EIF2D: variants seen among roughly 807,000 people sequenced by gnomAD.
The protein encoded by EIF2D is eukaryotic translation initiation factor 2D.
A neutral mutation model predicts 77.4 loss-of-function variants in EIF2D; 56 were observed. The observed-to-expected ratio is 0.72, with a 90% CI of 0.58 to 0.90. The LOEUF is 0.90. Ranked by LOEUF, EIF2D falls within the 40% of genes least tolerant of loss-of-function variation. The pLI is 0.00. For missense variants in EIF2D, 574 were observed against 706.5 expected, an observed-to-expected ratio of 0.81 and a Z score of 2.13; for synonymous variants, 230 against 271.0, an observed-to-expected ratio of 0.85 and a Z score of 1.49.
At chr1:206,609,481 A>C (rs782647011) in intron 2 of EIF2D, 22 bp from the exon 3 acceptor site, 23 of 1,595,038 alleles carry the variant, frequency 1.4e-5, no homozygotes, top group Admixed American at 1.2e-4. Flanking sequence ...GAGATCCAGA[A>C]AACACTACTA....
intron 1 of EIF2D, among the ~76,000 whole-genome samples, chr1:206,612,023 C>T (rs1247712348): frequency 1.3e-5 from 2 of 152,228 alleles, no homozygotes; most frequent in African/African-American, 2.4e-5. Flanking sequence ...CTCCACAACA[C>T]CTTAAATAGT....
chr1:206,602,708 G>A, intron 6 of EIF2D: 1 of 662,700 alleles, frequency 1.5e-6, no homozygotes, highest in Admixed American at 3.0e-5. Flanking sequence ...AAACCTTGGA[G>A]GGCTTTGTAG....
At position 206,605,404 on chromosome 1, in the gene EIF2D, A is replaced by G. The variant is rs781956713; in HGVS notation, c.526T>C (p.Leu176=). ...FSVLHTYQDH[L]WRSGNKSSPP... is the part of the protein sequence containing the mutation. ...CAGAAGAAACTCTGTACCCACCACA[A>G]GTGGTCCTGGTAAGTGTGGAGCACA... Residue 176 remains leucine, a synonymous_variant, in exon 5 of 15, where the codon TTG becomes CTG. Coordinates refer to ENST00000271764, the MANE Select transcript of EIF2D (RefSeq NM_006893.3). 1 of 1,613,514 alleles carries G rather than the reference A, an allele frequency of 6.2e-7. No homozygotes were observed. The highest frequency in any genetic ancestry group is 8.5e-7 in the Non-Finnish European group (1 of 1,179,542).
At chr1:206,593,918 C>T (rs942585498) in intron 13 of EIF2D, 125 bp from the exon 14 acceptor site, 1 of 774,130 alleles carries the variant, frequency 1.3e-6, no homozygotes, top group Non-Finnish European at 1.9e-6. Flanking sequence ...ATTCCTATAA[C>T]CCTAGTACTT....
Position 206,599,374 on chromosome 1 carries a change from C to A in EIF2D, c.1202+89G>T. 6.6e-7 allele frequency: 1 copy of A among 1,523,372 alleles called. No individual in the cohort carries two copies. Among genetic ancestry groups the A allele is most frequent in the South Asian group, 1.2e-5 (1 of 81,480 alleles). 94.4% of individuals were successfully genotyped at this position (1,523,372 alleles called of 1,614,324 possible). A position where few individuals can be genotyped will look rare whatever the true frequency, so the allele number is the denominator to read the frequency against. ...GAGAACAGGGGCAGAGCAGGTTTTG[C>A]CAGTCGCAAAAGAGCACTACTCAGG... On this transcript the variant is annotated intron_variant, in intron 10 of 14. Transcript: ENST00000271764. The surrounding 1 kb of genome is among the most constrained non-coding windows in gnomAD (Gnocchi z 4.1).
intron 4 of EIF2D, among the ~76,000 whole-genome samples, chr1:206,607,955 C>T (rs1670278868): frequency 6.6e-6 from 1 of 152,008 alleles, no homozygotes; most frequent in African/African-American, 2.4e-5. Flanking sequence ...ACTATCTTTG[C>T]AACTCTTCTG....
At chr1:206,603,942 CATAA>C (rs200259886) in intron 5 of EIF2D, among the ~76,000 whole-genome samples, 4,593 of 152,232 alleles carry the variant, frequency 0.03, 102 homozygotes, top group Admixed American at 0.045. Context: ...AGGTAAATAC[CATAA>C]ATATTTTTTT....
intron 7 of EIF2D, chr1:206,600,843 T>G (rs142157646): frequency 6.5e-6 from 1 of 153,802 alleles, no homozygotes; most frequent in East Asian, 1.9e-4. Context: ...CTGTCTATGG[T>G]CACATTAGTG....
chr1:206,574,187 C>T (rs1668552200), intron 4 of EIF2D, among the ~76,000 whole-genome samples: 3 of 152,338 alleles, frequency 2.0e-5, no homozygotes, highest in Admixed American at 2.0e-4. Context: ...GAGCAGGGGA[C>T]CCCGTGTCCA....
intron 8 of EIF2D, 65 bp downstream of exon 8, chr1:206,600,198 G>A: frequency 6.6e-7 from 1 of 1,507,986 alleles, no homozygotes. Context: ...GCATCCATCT[G>A]GCTTATGTCA....
At chr1:206,569,361 T>G (rs781872306), downstream of EIF2D, among the ~76,000 whole-genome samples, 1 of 152,180 alleles carries the variant, frequency 6.6e-6, no homozygotes, top group Non-Finnish European at 1.5e-5. Context: ...AGAGGAGGCT[T>G]GGCTAGCCAA....
Position 206,602,950 on chromosome 1 carries a change from C to G in EIF2D, c.784+1G>C, listed in dbSNP as rs1669998054. 1 of 1,613,988 alleles carries G rather than the reference C, an allele frequency of 6.2e-7. No homozygotes were observed. Among genetic ancestry groups the G allele is most frequent in the Non-Finnish European group, 8.5e-7 (1 of 1,179,964 alleles). Reference sequence around the variant, plus strand: ...GGGCTCTTCTCCTCCTAGAGTTATACCTTGAAGCGTTTTGCTATCTGTGGA... The same window carrying G: ...GGGCTCTTCTCCTCCTAGAGTTATAGCTTGAAGCGTTTTGCTATCTGTGGA... On this transcript the variant is annotated splice_donor_variant, in intron 6 of 14. Coordinates refer to ENST00000271764, the MANE Select transcript of EIF2D (RefSeq NM_006893.3). LOFTEE classifies it high-confidence loss of function.
intron 4 of EIF2D, among the ~76,000 whole-genome samples, chr1:206,574,235 G>A (rs1366225840): frequency 6.6e-6 from 1 of 152,204 alleles, no homozygotes; most frequent in Non-Finnish European, 1.5e-5. Context: ...GAGTCTGCGG[G>A]AGTGGCCTGA....
chr1:206,589,011 G>T (rs563181716), downstream of EIF2D: 1 of 152,698 alleles, frequency 6.5e-6, no homozygotes, highest in Non-Finnish European at 1.5e-5. Flanking sequence ...AGAGATAAGG[G>T]TGTTTATGAA....
chr1:206,593,805 G>A lies in EIF2D; in HGVS notation c.1510-12C>T. 3.1e-6 allele frequency: 5 copies of A among 1,590,236 alleles called. No homozygotes were observed. The highest frequency in any genetic ancestry group is 4.3e-6 in the Non-Finnish European group (5 of 1,162,804). The stretch of plus-strand genomic sequence containing the variant: ...CGGACCACGGTCACCTGGGGGGACA[G>A]TGGGGACAGAGACTGACGGTGGTGA... On this transcript the variant is annotated splice_polypyrimidine_tract_variant and intron_variant, in intron 13 of 14. Transcript: ENST00000271764.
chr1:206,570,078 C>CTTT (rs375900760), downstream of EIF2D, among the ~76,000 whole-genome samples: 1 of 119,378 alleles, frequency 8.4e-6, no homozygotes, highest in Non-Finnish European at 1.7e-5. Context: ...TAAAATTTAC[C>CTTT]TTTTTTTTTT....
intron 2 of EIF2D, among the ~76,000 whole-genome samples, chr1:206,581,468 G>A (rs1468827421): frequency 1.3e-5 from 2 of 152,062 alleles, no homozygotes; most frequent in African/African-American, 4.8e-5. Context: ...GTGTGGTGGT[G>A]CGCACCTGTA....
chr1:206,602,756 G>C (rs973140328), intron 6 of EIF2D, 195 bp downstream of exon 6: 6 of 829,764 alleles, frequency 7.2e-6, no homozygotes, highest in Admixed American at 5.9e-5. Flanking sequence ...TTAGCTCCCA[G>C]GAAGACGTGA....
Position 206,608,285 on chromosome 1 carries a change from G to T in EIF2D, c.373C>A (p.Pro125Thr). 6.2e-7 allele frequency: 1 copy of T among 1,613,520 alleles called. No individual in the cohort carries two copies. Among genetic ancestry groups the T allele is most frequent in the Non-Finnish European group, 8.5e-7 (1 of 1,179,686 alleles). ...CAGAGGTCGCCCTTCTGTACCTGAG[G>T]CAGACCAGCAGGGGGCATCACCAGT... is the stretch of plus-strand genomic sequence containing the variant. Reference protein sequence around the residue: ...PGLVMPPAGLPQVQKGDLCAI... With the variant: ...PGLVMPPAGLTQVQKGDLCAI... Residue 125 changes from proline to threonine, a missense_variant, in exon 4 of 15, where the codon CCT becomes ACT. Pro to Thr is a conservative substitution (Grantham distance 38, BLOSUM62 -1). Coordinates refer to ENST00000271764, the MANE Select transcript of EIF2D (RefSeq NM_006893.3).
Sources: allele counts gnomAD v4.1 joint callset (sites outside exome capture counted in the v4.1 genomes callset), GRCh38; gene constraint gnomAD v4.1.1; non-coding constraint Gnocchi (gnomAD v3.1); transcripts MANE v1.5; gene names NCBI Gene and HGNC (gene_info 2026-07-23, HGNC 2026-07-21).